Variants in FGF14 observed in about 807,000 individuals in gnomAD.
The protein encoded by FGF14 is fibroblast growth factor 14.
A neutral mutation model predicts 25.5 loss-of-function variants in FGF14; 5 were observed. The ratio of observed to expected loss-of-function variants is 0.20; its 90% CI spans 0.10 to 0.41. The LOEUF (loss-of-function observed/expected upper bound fraction) is 0.41. Among genes scored for constraint, FGF14 ranks in the 10% least tolerant of loss-of-function variants. FGF14 has a pLI of 1.00. For synonymous variants in FGF14, 138 were observed against 118.3 expected (o/e 1.17, Z -1.08); for missense variants, 222 against 320.1 (o/e 0.69, Z 2.34).
intron 1 of FGF14, among the ~76,000 whole-genome samples, chr13:101,940,607 C>G (rs1015674239): frequency 9.9e-5 from 15 of 152,186 alleles, no homozygotes; most frequent in African/African-American, 3.1e-4. Flanking sequence ...AAGGCATTCC[C>G]TACCCATCCA....
At chr13:101,826,646 T>C (rs546317250) in intron 3 of FGF14, among the ~76,000 whole-genome samples, 100 of 152,192 alleles carry the variant, frequency 6.6e-4, no homozygotes, top group African/African-American at 2.1e-3. Context: ...AATCTATTAA[T>C]TAGTAGTTGT....
At chr13:101,780,944 T>C (rs1326457530) in intron 3 of FGF14, among the ~76,000 whole-genome samples, 1 of 152,146 alleles carries the variant, frequency 6.6e-6, no homozygotes, top group East Asian at 1.9e-4. Context: ...CTGCATGGCC[T>C]TCCCACTGCT....
intron 1 of FGF14, among the ~76,000 whole-genome samples, chr13:102,305,424 T>C (rs1041264044): frequency 2.6e-5 from 4 of 152,130 alleles, no homozygotes; most frequent in African/African-American, 9.7e-5. Flanking sequence ...CAAATGTGGA[T>C]TGCCTACGAT....
At chr13:102,125,294 A>G (rs2045905715) in intron 1 of FGF14, among the ~76,000 whole-genome samples, 1 of 152,208 alleles carries the variant, frequency 6.6e-6, no homozygotes, top group Non-Finnish European at 1.5e-5. Flanking sequence ...TTTTCTTATT[A>G]CACATGCATT....
chr13:102,158,498 C>CT (rs35325714), intron 1 of FGF14, among the ~76,000 whole-genome samples: 1 of 142,244 alleles, frequency 7.0e-6, no homozygotes, highest in Admixed American at 7.3e-5. Context: ...GGAAGGGGAA[C>CT]ATCACACACT....
chr13:101,910,171 C>A (rs2032760022), intron 1 of FGF14, among the ~76,000 whole-genome samples: 1 of 151,862 alleles, frequency 6.6e-6, no homozygotes, highest in Non-Finnish European at 1.5e-5. Flanking sequence ...TGCAGCACAC[C>A]AACACGGCAC....
intron 1 of FGF14, among the ~76,000 whole-genome samples, chr13:102,067,719 A>G (rs1299561846): frequency 6.6e-6 from 1 of 151,364 alleles, no homozygotes; most frequent in East Asian, 1.9e-4. Context: ...AGAGAGAGAG[A>G]GAGATTAGGG....
chr13:101,906,886 A>G (rs1408740802), intron 1 of FGF14, among the ~76,000 whole-genome samples: 1 of 152,186 alleles, frequency 6.6e-6, no homozygotes, highest in Non-Finnish European at 1.5e-5. Context: ...TTAGGTGTAA[A>G]AATAAGGAAC....
At chr13:101,909,269 C>G (rs2139056921) in intron 1 of FGF14, among the ~76,000 whole-genome samples, 1 of 152,262 alleles carries the variant, frequency 6.6e-6, no homozygotes, top group South Asian at 2.1e-4. Context: ...AGAGCTTCTG[C>G]ACAGCAAAAG....
intron 1 of FGF14, among the ~76,000 whole-genome samples, chr13:102,022,818 T>C (rs1405466588): frequency 1.3e-5 from 2 of 152,112 alleles, no homozygotes; most frequent in Admixed American, 6.6e-5. Context: ...TCCGTGTAAG[T>C]GCTTAATGTG....
intron 3 of FGF14, among the ~76,000 whole-genome samples, chr13:101,765,912 A>G (rs2038359892): frequency 6.6e-6 from 1 of 152,024 alleles, no homozygotes; most frequent in Admixed American, 6.6e-5. Flanking sequence ...TACTTTTAGT[A>G]GAGACGGGGT....
At chr13:102,086,340 TAG>T (rs1262851322) in intron 1 of FGF14, among the ~76,000 whole-genome samples, 1 of 152,044 alleles carries the variant, frequency 6.6e-6, no homozygotes, top group East Asian at 1.9e-4. Flanking sequence ...CTAACCAGGA[TAG>T]AGACGGTGAA....
intron 1 of FGF14, among the ~76,000 whole-genome samples, chr13:101,973,423 A>G (rs1241799397): frequency 6.6e-6 from 1 of 152,096 alleles, no homozygotes; most frequent in Non-Finnish European, 1.5e-5. Flanking sequence ...TTTACACTGG[A>G]TGAACGTATT....
At chr13:102,301,142 A>G (rs1418554506) in intron 1 of FGF14, among the ~76,000 whole-genome samples, 1 of 152,212 alleles carries the variant, frequency 6.6e-6, no homozygotes, top group Non-Finnish European at 1.5e-5. Context: ...GAAATAGATC[A>G]GGCCAAATGC....
rs575527601 is a variant in FGF14, at chr13:102,214,401, A to G, written c.208+187070T>C. Among the ~76,000 whole-genome samples the G allele has an allele frequency of 9.2e-5, 14 of 152,350 alleles. No individual in the cohort carries two copies. In the South Asian group the frequency reaches 2.9e-3, roughly 32 times the overall value. On this transcript the variant is annotated intron_variant, in intron 1 of 4. Transcript: ENST00000376131. ...TCATTTAAGATTCAGAAGCTTAAAA[A>G]AATATATACAAATGTATATAGGTTT... is the stretch of plus-strand genomic sequence containing the variant.
intron 1 of FGF14, among the ~76,000 whole-genome samples, chr13:102,160,727 G>C (rs1364658312): frequency 6.6e-6 from 1 of 152,048 alleles, no homozygotes; most frequent in African/African-American, 2.4e-5. Context: ...AAAGTCCCTA[G>C]AATAGGATAA....
chr13:102,319,796 G>C (rs951298772), intron 1 of FGF14, among the ~76,000 whole-genome samples: 1 of 152,208 alleles, frequency 6.6e-6, no homozygotes, highest in Non-Finnish European at 1.5e-5. Context: ...GCTAAGGATA[G>C]TGACTGATAT....
chr13:101,881,855 A>C (rs1349400303), intron 1 of FGF14, among the ~76,000 whole-genome samples: 1 of 152,202 alleles, frequency 6.6e-6, no homozygotes, highest in East Asian at 1.9e-4. Context: ...TATGTCAATG[A>C]CACCAAACAC....
At chr13:101,858,337 C>T (rs1219668396) in intron 3 of FGF14, among the ~76,000 whole-genome samples, 1 of 151,498 alleles carries the variant, frequency 6.6e-6, no homozygotes, top group African/African-American at 2.4e-5. Context: ...CACAATTTTG[C>T]TTCAAATTTT....
Sources: gnomAD v4.1 joint callset for allele counts (sites outside exome capture counted in the v4.1 genomes callset) on GRCh38, gnomAD v4.1.1 for gene constraint, MANE v1.5 for transcripts, NCBI Gene and HGNC (gene_info 2026-07-23, HGNC 2026-07-21) for gene names.